BMP2K: variants seen among roughly 807,000 people sequenced by gnomAD.
BMP2K encodes BMP-2-inducible protein kinase.
Under a neutral mutation model 116.0 loss-of-function variants are expected in BMP2K, and 74 were observed. The ratio of observed to expected loss-of-function variants is 0.64; its 90% confidence interval spans 0.53 to 0.77. BMP2K has a LOEUF of 0.77. Among genes scored for constraint, BMP2K ranks in the 30% least tolerant of loss-of-function variants. BMP2K has a pLI of 0.00. For missense variants in BMP2K, 1,365 were observed against 1,403.6 expected (o/e 0.97, Z 0.44); for synonymous variants, 486 against 502.5 (o/e 0.97, Z 0.44).
intron 7 of BMP2K, among the ~76,000 whole-genome samples, chr4:78,852,816 C>G (rs2110035599): frequency 6.6e-6 from 1 of 152,134 alleles, no homozygotes; most frequent in East Asian, 1.9e-4. Context: ...TATGCCCAGG[C>G]TGGTCTCAAA....
intron 2 of BMP2K, among the ~76,000 whole-genome samples, chr4:78,831,744 A>T (rs1462179189): frequency 6.6e-6 from 1 of 152,238 alleles, no homozygotes; most frequent in Non-Finnish European, 1.5e-5. Context: ...GCCAGTAAAA[A>T]CTTCAGTGAC....
Position 78,872,605 on chromosome 4 carries a change from T to C in BMP2K, c.1609-9T>C, listed in dbSNP as rs1384018247. The C allele has an allele frequency of 1.2e-6, 2 of 1,612,850 alleles. No homozygotes were observed. The highest frequency in any genetic ancestry group is 1.7e-6 in the Non-Finnish European group (2 of 1,179,426). ...GCATTGTTTTGTATAATATCATTTC[T>C]TTTTTCAGATGCCGCAGTATCAGCA... On this transcript the variant is annotated splice_polypyrimidine_tract_variant and intron_variant, in intron 12 of 15. Transcript: ENST00000502613.
rs767928148 is a variant in BMP2K at position 78,859,686 on chromosome 4, A to G, written c.986A>G (p.Asn329Ser). 21 of 1,555,978 alleles carry G rather than the reference A, an allele frequency of 1.3e-5. No homozygotes were observed. The highest frequency in any genetic ancestry group is 4.5e-5 in the East Asian group (2 of 44,530). The change falls in exon 8 of 16, where the codon AAT becomes AGT. Residue 329 changes from asparagine (N) to serine (S), a missense_variant and splice_region_variant. Asn to Ser is a conservative substitution (Grantham distance 46, BLOSUM62 1). This residue lies in a region of BMP2K where 762 missense variants were observed against 756.7 expected (regional missense o/e 1.01). Coordinates refer to ENST00000502613, the MANE Select transcript of BMP2K (RefSeq NM_198892.2). ...AAGGATTGTCCAGTCTCCAACATCA[A>G]TGTAAGTAGATTTTCAAGTAGGATA... ...AKKDCPVSNI[N>S]NSSIPSALPE...
chr4:78,835,293 A>C (rs1205904762), intron 3 of BMP2K, among the ~76,000 whole-genome samples: 1 of 152,186 alleles, frequency 6.6e-6, no homozygotes, highest in Non-Finnish European at 1.5e-5. Flanking sequence ...TATGAAATTT[A>C]AAATTTTTAT....
chr4:78,855,222 A>G (rs746424466), intron 7 of BMP2K, among the ~76,000 whole-genome samples: 1 of 152,188 alleles, frequency 6.6e-6, no homozygotes, highest in Non-Finnish European at 1.5e-5. Context: ...TTCTATAACA[A>G]TGTCTGTAGG....
At chr4:78,850,448 T>G (rs560005464) in intron 6 of BMP2K, among the ~76,000 whole-genome samples, 1 of 151,894 alleles carries the variant, frequency 6.6e-6, no homozygotes, top group African/African-American at 2.4e-5. Context: ...AATAATGAGG[T>G]GTACCTGGTA....
intron 1 of BMP2K, among the ~76,000 whole-genome samples, chr4:78,797,884 G>T (rs1180916981): frequency 6.6e-6 from 1 of 152,126 alleles, no homozygotes; most frequent in African/African-American, 2.4e-5. Context: ...GCATTGGCAT[G>T]ATCATAGAGC....
intron 1 of BMP2K, among the ~76,000 whole-genome samples, chr4:78,815,384 T>C (rs1729288639): frequency 6.6e-6 from 1 of 152,140 alleles, no homozygotes; most frequent in Admixed American, 6.6e-5. Context: ...ACCCATAAAA[T>C]ATTTTGATTT....
chr4:78,801,809 G>C (rs969135163), intron 1 of BMP2K, among the ~76,000 whole-genome samples: 2 of 152,118 alleles, frequency 1.3e-5, no homozygotes, highest in African/African-American at 4.8e-5. Context: ...CTCTTGAGAG[G>C]ATATGCCATT....
intron 1 of BMP2K, among the ~76,000 whole-genome samples, chr4:78,777,145 A>T (rs545255832): frequency 6.6e-6 from 1 of 151,804 alleles, no homozygotes; most frequent in Non-Finnish European, 1.5e-5. Context: ...AGGGCATAGG[A>T]CCCTGCAGCC....
intron 1 of BMP2K, among the ~76,000 whole-genome samples, chr4:78,781,539 G>A (rs796799855): frequency 2.0e-5 from 3 of 151,840 alleles, no homozygotes; most frequent in South Asian, 2.1e-4. Flanking sequence ...TGGGTATGTC[G>A]TCTGGAACTC....
At chr4:78,801,018 T>C (rs1179882153) in intron 1 of BMP2K, among the ~76,000 whole-genome samples, 1 of 152,176 alleles carries the variant, frequency 6.6e-6, no homozygotes, top group Non-Finnish European at 1.5e-5. Flanking sequence ...GGTAGCTTAT[T>C]CCATAATGCT....
intron 3 of BMP2K, among the ~76,000 whole-genome samples, chr4:78,838,066 T>C (rs1294226299): frequency 6.6e-6 from 1 of 152,226 alleles, no homozygotes; most frequent in African/African-American, 2.4e-5. Context: ...TACAGTTCCA[T>C]GTGGCTGGGG....
intron 3 of BMP2K, among the ~76,000 whole-genome samples, chr4:78,836,059 C>T (rs1365113770): frequency 6.6e-6 from 1 of 151,696 alleles, no homozygotes; most frequent in Admixed American, 6.6e-5. Flanking sequence ...GTAATTACCT[C>T]GGTTTTCATT....
intron 1 of BMP2K, 29 bp downstream of exon 1, chr4:78,776,750 G>T (rs748876276): frequency 4.8e-6 from 6 of 1,257,336 alleles, no homozygotes; most frequent in Middle Eastern, 3.1e-4. Flanking sequence ...GCTCGGACAG[G>T]CAGGTGAGGG....
chr4:78,873,955 G>T (rs28625192), intron 13 of BMP2K, among the ~76,000 whole-genome samples: 15,225 of 151,908 alleles, frequency 0.1, 2,467 homozygotes, highest in African/African-American at 0.35. Flanking sequence ...CAGGGCAGGC[G>T]GATCACGAGG....
intron 1 of BMP2K, among the ~76,000 whole-genome samples, chr4:78,780,854 C>T (rs1392926635): frequency 7.9e-5 from 12 of 152,120 alleles, no homozygotes; most frequent in Admixed American, 5.9e-4. Context: ...TTATATGTGT[C>T]GTGAAGACAA....
At chr4:78,779,880 T>A (rs911085497) in intron 1 of BMP2K, among the ~76,000 whole-genome samples, 43 of 152,168 alleles carry the variant, frequency 2.8e-4, no homozygotes, top group African/African-American at 9.9e-4. Context: ...CTCCTCAAAG[T>A]TTAAAGGACT....
chr4:78,887,671 A>G (rs947086330), intron 15 of BMP2K, among the ~76,000 whole-genome samples: 2 of 152,150 alleles, frequency 1.3e-5, no homozygotes, highest in Admixed American at 6.5e-5. Context: ...ATTTGTCACA[A>G]TCACTTTGTT....
Sources: gnomAD v4.1 joint callset for allele counts (sites outside exome capture counted in the v4.1 genomes callset) on GRCh38, gnomAD v4.1.1 for gene constraint, gnomAD v4.1.1 regional missense constraint, MANE v1.5 for transcripts, NCBI Gene and HGNC (gene_info 2026-07-23, HGNC 2026-07-21) for gene names.